Variants in TOP1 observed in about 807,000 individuals in gnomAD.
TOP1 encodes the protein DNA topoisomerase I.
In TOP1, 10 loss-of-function variants were observed where a neutral mutation model predicts 111.1. The ratio of observed to expected loss-of-function variants is 0.09; its 90% confidence interval spans 0.06 to 0.15. The LOEUF is 0.15. Among genes scored for constraint, TOP1 ranks in the 10% least tolerant of loss-of-function variants. The pLI is 1.00. For synonymous variants in TOP1, 271 were observed against 302.9 expected (o/e 0.89, Z 1.10); for missense variants, 474 against 926.7 (o/e 0.51, Z 6.34).
chr20:41,084,397 A>G, intron 7 of TOP1, 65 bp from the exon 8 acceptor site: 1 of 1,015,056 alleles, frequency 9.9e-7, no homozygotes, highest in East Asian at 2.7e-5. Flanking sequence ...CATGGCTCCC[A>G]AAAACTGCCT....
chr20:41,089,829 T>A (rs2033897503), intron 8 of TOP1, among the ~76,000 whole-genome samples: 1 of 152,252 alleles, frequency 6.6e-6, no homozygotes, highest in East Asian at 1.9e-4. Flanking sequence ...TTGCCATCCT[T>A]ATGAGTATGA....
intron 18 of TOP1, among the ~76,000 whole-genome samples, chr20:41,119,264 G>A (rs963034290): frequency 6.6e-6 from 1 of 152,074 alleles, no homozygotes; most frequent in Non-Finnish European, 1.5e-5. Context: ...AGTCATAAGT[G>A]CTGCTGCTAT....
intron 2 of TOP1, among the ~76,000 whole-genome samples, chr20:41,050,746 TC>T (rs2033395829): frequency 6.6e-6 from 1 of 152,222 alleles, no homozygotes; most frequent in Non-Finnish European, 1.5e-5. Flanking sequence ...TGCATTAAGT[TC>T]CTGGGAGATT....
Position 41,028,916 on chromosome 20 carries a change from G to C in TOP1, c.-152G>C, listed in dbSNP as rs1011918164. ...CGTCGCCGCCGTGGTAGCAGCCTCAGCCGTTTCTGGAGTCTCGGGCCCACA... is the reference window on the plus strand; with the variant it reads ...CGTCGCCGCCGTGGTAGCAGCCTCACCCGTTTCTGGAGTCTCGGGCCCACA... On this transcript the variant is annotated 5_prime_UTR_variant, in exon 1 of 21. Coordinates refer to ENST00000361337, the MANE Select transcript of TOP1 (RefSeq NM_003286.4). The C allele has an allele frequency of 3.2e-6, 2 of 620,678 alleles. No individual in the cohort carries two copies. Among genetic ancestry groups the C allele is most frequent in the East Asian group, 6.7e-5 (2 of 29,750 alleles). The allele number at this position is 620,678 out of a possible 1,614,324, so 38.4% of individuals were successfully genotyped here. A position where few individuals can be genotyped will look rare whatever the true frequency, so the allele number is the denominator to read the frequency against.
At chr20:41,090,558 A>G (rs1252639478) in intron 8 of TOP1, among the ~76,000 whole-genome samples, 3 of 152,170 alleles carry the variant, frequency 2.0e-5, no homozygotes, top group Non-Finnish European at 4.4e-5. Flanking sequence ...GCTGGAGTGC[A>G]GTCACGTGAT....
At chr20:41,060,081 G>A (rs1352812860) in intron 2 of TOP1, among the ~76,000 whole-genome samples, 1 of 152,196 alleles carries the variant, frequency 6.6e-6, no homozygotes, top group African/African-American at 2.4e-5. Context: ...TTTTGATGGA[G>A]ATATACAATG....
In TOP1 at chr20:41,069,123, C is replaced by G. The variant is rs551441790; in HGVS notation, c.156-7048C>G. On this transcript the variant is annotated intron_variant, in intron 3 of 20. Coordinates refer to ENST00000361337, the MANE Select transcript of TOP1 (RefSeq NM_003286.4). This position sits in a 1 kb window ranked among gnomAD's most constrained non-coding sequence, Gnocchi z 4.1. ...TAAGGATGCTTTTGGCTTCTGCTTT[C>G]CTTTTAGTTCCAAATCCTACCTGAA... Among the ~76,000 whole-genome samples, 2 of 152,186 alleles carry G rather than the reference C, an allele frequency of 1.3e-5. No individual in the cohort carries two copies. Among genetic ancestry groups the G allele is most frequent in the African/African-American group, 2.4e-5 (1 of 41,432 alleles).
In TOP1 at chr20:41,121,640, AG is replaced by A. The variant is rs2034424338; in HGVS notation, c.1951-54del. On this transcript the variant is annotated intron_variant, in intron 18 of 20. Transcript: ENST00000361337. This position sits in a 1 kb window ranked among gnomAD's most constrained non-coding sequence, Gnocchi z 4.2. ...GATAACATCTTGGTTTCACCTTCTCAGGTGGAGCCATTTTTCCTCTACAGCT... is the reference window on the plus strand; with the variant it reads ...GATAACATCTTGGTTTCACCTTCTCAGTGGAGCCATTTTTCCTCTACAGCT... The A allele has an allele frequency of 1.4e-6, 2 of 1,387,140 alleles. No individual in the cohort carries two copies. Among genetic ancestry groups the A allele is most frequent in the African/African-American group, 2.8e-5 (2 of 70,476 alleles). The allele number at this position is 1,387,140 out of a possible 1,614,324, so 85.9% of individuals were successfully genotyped here. A position where few individuals can be genotyped will look rare whatever the true frequency, so the allele number is the denominator to read the frequency against.
rs565348899 is a variant in TOP1 at position 41,097,054 on chromosome 20, A to G, written c.731-166A>G. 3.9e-5 allele frequency among the ~76,000 whole-genome samples: 6 copies of G among 152,322 alleles called. No homozygotes were observed. The highest frequency in any genetic ancestry group is 3.9e-4 in the Admixed American group (6 of 15,300). On this transcript the variant is annotated intron_variant, in intron 9 of 20. Transcript: ENST00000361337. This position sits in a 1 kb window ranked among gnomAD's most constrained non-coding sequence, Gnocchi z 4.2. ...AGAGAAGGAGAATTTGTACAAGTAG[A>G]TATAAATCAGTATGTTGTCTTTGTT...
At chr20:41,036,607 G>C (rs533919312) in intron 2 of TOP1, among the ~76,000 whole-genome samples, 1 of 152,254 alleles carries the variant, frequency 6.6e-6, no homozygotes, top group East Asian at 1.9e-4. Flanking sequence ...TGATGTTGGG[G>C]AGTCTGTCTT....
intron 2 of TOP1, among the ~76,000 whole-genome samples, chr20:41,042,713 C>A (rs1392772474): frequency 6.6e-6 from 1 of 152,204 alleles, no homozygotes; most frequent in Non-Finnish European, 1.5e-5. Flanking sequence ...CGAGTTATAA[C>A]TTTTGACTCC....
In TOP1 at chr20:41,032,838, G is replaced by C. The variant is rs2033137744; in HGVS notation, c.58+3383G>C. ...GGTAGCATAGCTGATTGCGGTGGGG[G>C]AATTTCAGATAGCTGATGATGTGGC... On this transcript the variant is annotated intron_variant, in intron 2 of 20. Transcript: ENST00000361337. The surrounding 1 kb of genome is among the most constrained non-coding windows in gnomAD (Gnocchi z 4.3). 6.6e-6 allele frequency among the ~76,000 whole-genome samples: 1 copy of C among 152,166 alleles called. No individual in the cohort carries two copies.
In TOP1 at chr20:41,121,655, TC is replaced by T; in HGVS notation, c.1951-39del. ...TCACCTTCTCAGGTGGAGCCATTTT[TC>T]CTCTACAGCTCATAACCTTACCACT... On this transcript the variant is annotated intron_variant, in intron 18 of 20. Coordinates refer to ENST00000361337, the MANE Select transcript of TOP1 (RefSeq NM_003286.4). The surrounding 1 kb of genome is among the most constrained non-coding windows in gnomAD (Gnocchi z 4.2). The T allele has an allele frequency of 6.5e-7, 1 of 1,537,964 alleles. No homozygotes were observed. Among genetic ancestry groups the T allele is most frequent in the Non-Finnish European group, 9.0e-7 (1 of 1,111,004 alleles).
At position 41,072,797 on chromosome 20, in the gene TOP1, T is replaced by C. The variant is rs1011513707; in HGVS notation, c.156-3374T>C. 1.6e-5 allele frequency: 16 copies of C among 985,280 alleles called. No homozygotes were observed. In the East Asian group the frequency reaches 1.7e-3, roughly 105 times the overall value. 61.0% of individuals were successfully genotyped at this position (985,280 alleles called of 1,614,324 possible). On this transcript the variant is annotated intron_variant, in intron 3 of 20. Transcript: ENST00000361337. ...CTCTATAAACCCAAATTTCTAACAG[T>C]CTCCAATGTAATGCCCTGTAATAGA...
intron 2 of TOP1, among the ~76,000 whole-genome samples, chr20:41,049,635 C>T (rs535584844): frequency 2.4e-4 from 36 of 152,276 alleles, no homozygotes; most frequent in African/African-American, 8.2e-4. Context: ...GCAGCTGCTA[C>T]TGTTGGGATG....
chr20:41,039,298 G>C (rs1484443081), intron 2 of TOP1, among the ~76,000 whole-genome samples: 1 of 152,134 alleles, frequency 6.6e-6, no homozygotes, highest in Non-Finnish European at 1.5e-5. Context: ...AAAGGCTGCT[G>C]TCATACAACA....
In TOP1 at chr20:41,118,109, TG is replaced by T. The variant is rs2034363189; in HGVS notation, c.1823-59del. The T allele has an allele frequency of 5.1e-6, 8 of 1,575,624 alleles. No individual in the cohort carries two copies. The Admixed American group carries it at 1.4e-4, about 27-fold the overall frequency. On this transcript the variant is annotated intron_variant, in intron 17 of 20. Coordinates refer to ENST00000361337, the MANE Select transcript of TOP1 (RefSeq NM_003286.4). The surrounding 1 kb of genome is among the most constrained non-coding windows in gnomAD (Gnocchi z 4.6). ...GACGAGGCACTGGGGGAAGACATAC[TG>T]TGTGTTCACTTTTGGTGTACAAACT...
rs765717172 is a variant in TOP1, at chr20:41,102,722, A to G, written c.1308+1369A>G. Among the ~76,000 whole-genome samples the G allele has an allele frequency of 3.9e-5, 6 of 152,204 alleles. No homozygotes were observed. Among genetic ancestry groups the G allele is most frequent in the Non-Finnish European group, 7.4e-5 (5 of 68,026 alleles). ...GAGCAGACTAGTCATTTAAAGAAACATGTATTCCTCTTCTGAAGTATCGCA... is the reference window on the plus strand; with the variant it reads ...GAGCAGACTAGTCATTTAAAGAAACGTGTATTCCTCTTCTGAAGTATCGCA... On this transcript the variant is annotated intron_variant, in intron 13 of 20. Coordinates refer to ENST00000361337, the MANE Select transcript of TOP1 (RefSeq NM_003286.4). This position sits in a 1 kb window ranked among gnomAD's most constrained non-coding sequence, Gnocchi z 4.0.
rs775771475 is a variant in TOP1, at chr20:41,080,176, G to A, written c.427G>A (p.Asp143Asn). ...GCCATTAAAGAGACCTCGAGATGAGGATGAGTGAGTATTTTCTTAAAACTT... is the reference window on the plus strand; with the variant it reads ...GCCATTAAAGAGACCTCGAGATGAGAATGAGTGAGTATTTTCTTAAAACTT... ...IKPLKRPRDE[D>N]DADYKPKKIK... Residue 143 changes from aspartate to asparagine, a missense_variant, in exon 6 of 21, where the codon GAT becomes AAT. Asp to Asn is a conservative substitution (Grantham distance 23). Around this residue, in one of 14 missense-constraint regions of TOP1, gnomAD observed 185 missense variants for 226.3 expected, o/e 0.82. Transcript: ENST00000361337. This position sits in a 1 kb window ranked among gnomAD's most constrained non-coding sequence, Gnocchi z 5.0. 4 of 1,575,388 alleles carry A rather than the reference G, an allele frequency of 2.5e-6. No homozygotes were observed. The highest frequency in any genetic ancestry group is 1.4e-5 in the African/African-American group (1 of 73,776).
Sources: allele counts gnomAD v4.1 joint callset (sites outside exome capture counted in the v4.1 genomes callset), GRCh38; gene constraint gnomAD v4.1.1; regional missense constraint gnomAD v4.1.1; non-coding constraint Gnocchi (gnomAD v3.1); transcripts MANE v1.5; gene names NCBI Gene and HGNC (gene_info 2026-07-23, HGNC 2026-07-21).